Variants in CLYBL observed in about 807,000 individuals in gnomAD.
The protein encoded by CLYBL is citramalyl-CoA lyase, mitochondrial.
A neutral mutation model predicts 38.9 loss-of-function variants in CLYBL; 31 were observed. The ratio of observed to expected loss-of-function variants is 0.80; its 90% CI spans 0.60 to 1.08. CLYBL has a LOEUF of 1.08. CLYBL is among the 50% of genes least tolerant of loss of function. The probability of loss-of-function intolerance (pLI) is 0.00; values close to 1 mark genes in which losing one functional copy is unlikely to be tolerated. For synonymous variants in CLYBL, 171 were observed against 158.6 expected, an observed-to-expected ratio of 1.08 and a Z score of -0.59; for missense variants, 434 against 411.6, an observed-to-expected ratio of 1.05 and a Z score of -0.47.
chr13:99,611,007 A>G (rs2046618061), intron 1 of CLYBL, among the ~76,000 whole-genome samples: 1 of 152,200 alleles, frequency 6.6e-6, no homozygotes, highest in South Asian at 2.1e-4. Flanking sequence ...GAACCACAAG[A>G]CAGGTCAAAT....
At chr13:99,675,804 C>G (rs1254090985) in intron 1 of CLYBL, among the ~76,000 whole-genome samples, 3 of 152,124 alleles carry the variant, frequency 2.0e-5, no homozygotes, top group Admixed American at 2.0e-4. Flanking sequence ...TAGGTTGTTT[C>G]TACTTTTTAG....
chr13:99,696,276 C>T (rs541680766), intron 1 of CLYBL, among the ~76,000 whole-genome samples: 8 of 151,470 alleles, frequency 5.3e-5, no homozygotes, highest in African/African-American at 1.9e-4. Flanking sequence ...GTTGCCTAGG[C>T]TGGAGTGCAG....
intron 1 of CLYBL, among the ~76,000 whole-genome samples, chr13:99,772,225 A>G (rs146148685): frequency 6.6e-6 from 1 of 152,318 alleles, no homozygotes; most frequent in Non-Finnish European, 1.5e-5. Context: ...CAGTATAACA[A>G]TACTGGAAGT....
intron 5 of CLYBL, 97 bp from the exon 6 acceptor site, chr13:99,866,143 G>A: frequency 8.4e-7 from 1 of 1,186,230 alleles, no homozygotes; most frequent in East Asian, 2.3e-5. Context: ...TTTCCAGGGA[G>A]GTTTAGATAT....
intron 1 of CLYBL, among the ~76,000 whole-genome samples, chr13:99,702,401 C>T (rs979507356): frequency 6.6e-6 from 1 of 152,038 alleles, no homozygotes; most frequent in Non-Finnish European, 1.5e-5. Context: ...GAGGCCAAGG[C>T]GGGTGGATCA....
chr13:99,672,938 C>CT (rs2047588801), intron 1 of CLYBL, among the ~76,000 whole-genome samples: 1 of 152,150 alleles, frequency 6.6e-6, no homozygotes, highest in Non-Finnish European at 1.5e-5. Context: ...GTCCTTCATC[C>CT]ATGCGCCCAA....
chr13:99,753,555 A>G (rs2048996142), intron 1 of CLYBL, among the ~76,000 whole-genome samples: 1 of 152,230 alleles, frequency 6.6e-6, no homozygotes, highest in African/African-American at 2.4e-5. Flanking sequence ...GCTGGAATGC[A>G]TGGAATACCT....
intron 2 of CLYBL, among the ~76,000 whole-genome samples, chr13:99,805,600 G>A (rs549586085): frequency 1.5e-3 from 234 of 152,228 alleles, no homozygotes; most frequent in African/African-American, 5.4e-3. Flanking sequence ...AGGGGACTCA[G>A]AGGGAGAGCT....
intron 1 of CLYBL, among the ~76,000 whole-genome samples, chr13:99,702,668 G>C (rs909435466): frequency 6.6e-6 from 1 of 151,830 alleles, no homozygotes; most frequent in African/African-American, 2.4e-5. Context: ...AAAAATGAAG[G>C]CTCATGCAGA....
intron 9 of CLYBL, among the ~76,000 whole-genome samples, chr13:99,906,436 CT>C (rs11435009): frequency 2.7e-5 from 4 of 150,042 alleles, no homozygotes; most frequent in East Asian, 3.9e-4. Flanking sequence ...TTTGAGTTTT[CT>C]TTTTTTTTTC....
intron 2 of CLYBL, among the ~76,000 whole-genome samples, chr13:99,832,206 G>A (rs143710194): frequency 2.0e-5 from 3 of 152,244 alleles, no homozygotes; most frequent in African/African-American, 2.4e-5. Context: ...TGCTTTGATG[G>A]TTGACTCCCA....
intron 2 of CLYBL, among the ~76,000 whole-genome samples, chr13:99,814,526 C>T (rs767683145): frequency 7.9e-5 from 12 of 151,476 alleles, no homozygotes; most frequent in Admixed American, 1.3e-4. Flanking sequence ...AGTTTGAGAC[C>T]GGCCTGGGCA....
intron 1 of CLYBL, among the ~76,000 whole-genome samples, chr13:99,754,463 G>C (rs1009982228): frequency 6.8e-6 from 1 of 147,662 alleles, no homozygotes; most frequent in Non-Finnish European, 1.5e-5. Flanking sequence ...GTCTCACTCT[G>C]TTTCCTAGAC....
chr13:99,631,357 G>GTGTGTGTGTA (rs1809220217), intron 1 of CLYBL, among the ~76,000 whole-genome samples: 1 of 151,446 alleles, frequency 6.6e-6, no homozygotes, highest in African/African-American at 2.4e-5. Context: ...GTGTGTGTGT[G>GTGTGTGTGTA]TGTGTGTATG....
intron 9 of CLYBL, among the ~76,000 whole-genome samples, chr13:99,905,999 C>G (rs964492577): frequency 2.0e-5 from 3 of 152,156 alleles, no homozygotes; most frequent in Non-Finnish European, 2.9e-5. Flanking sequence ...TTCTTGAACT[C>G]CTGGGCTCAA....
At chr13:99,768,334 A>G (rs1458788714) in intron 1 of CLYBL, among the ~76,000 whole-genome samples, 1 of 150,046 alleles carries the variant, frequency 6.7e-6, no homozygotes, top group Non-Finnish European at 1.5e-5. Flanking sequence ...AGCTGGGATT[A>G]CAGGCACCTG....
At chr13:99,629,511 G>A (rs1312968860) in intron 1 of CLYBL, among the ~76,000 whole-genome samples, 1 of 152,054 alleles carries the variant, frequency 6.6e-6, no homozygotes, top group Non-Finnish European at 1.5e-5. Context: ...CTGCTCCTGG[G>A]TCATATGGTA....
chr13:99,894,738 G>GGGA (rs1555326638), downstream of CLYBL: 10 of 58,248 alleles, frequency 1.7e-4, no homozygotes, highest in African/African-American at 6.6e-4. Flanking sequence ...GCCTGAGGCG[G>GGGA]GGGGGGGGGG....
At chr13:99,705,636 TG>T (rs369398229) in intron 1 of CLYBL, among the ~76,000 whole-genome samples, 175 of 152,042 alleles carry the variant, frequency 1.2e-3, no homozygotes, top group African/African-American at 4.1e-3. Flanking sequence ...GAAGATATGC[TG>T]AGTGAAATAA....
Sources: gnomAD v4.1 joint callset for allele counts (sites outside exome capture counted in the v4.1 genomes callset) on GRCh38, gnomAD v4.1.1 for gene constraint, MANE v1.5 for transcripts, NCBI Gene and HGNC (gene_info 2026-07-23, HGNC 2026-07-21) for gene names.